Variants in PTPRT observed in about 807,000 individuals in gnomAD.
The protein encoded by PTPRT is protein tyrosine phosphatase receptor type T, also known as receptor-type tyrosine-protein phosphatase T.
In PTPRT, 56 loss-of-function variants were observed where a neutral mutation model predicts 176.8. The ratio of observed to expected loss-of-function variants is 0.32; its 90% CI spans 0.26 to 0.40. The LOEUF is 0.40. Ranked by LOEUF, PTPRT falls within the 10% of genes least tolerant of loss-of-function variation. The pLI is 1.00. For missense variants in PTPRT, 1,540 were observed against 1,908.2 expected, an observed-to-expected ratio of 0.81 and a Z score of 3.60; for synonymous variants, 783 against 739.0, an observed-to-expected ratio of 1.06 and a Z score of -0.96.
chr20:42,483,894 G>A (rs895954328), intron 7 of PTPRT, among the ~76,000 whole-genome samples: 2 of 152,250 alleles, frequency 1.3e-5, no homozygotes, highest in African/African-American at 4.8e-5. Flanking sequence ...CATAGGGGGC[G>A]ATAGAGGGAG....
intron 1 of PTPRT, among the ~76,000 whole-genome samples, chr20:43,120,818 T>C (rs910409806): frequency 3.9e-5 from 6 of 152,226 alleles, no homozygotes; most frequent in African/African-American, 1.4e-4. Context: ...ATGTTTTGCA[T>C]AGGTATTTTA....
At chr20:42,501,238 T>C (rs2071746247) in intron 7 of PTPRT, among the ~76,000 whole-genome samples, 1 of 152,182 alleles carries the variant, frequency 6.6e-6, no homozygotes, top group South Asian at 2.1e-4. Flanking sequence ...TTGTTCAACC[T>C]TAGGTTTGGG....
At chr20:43,050,467 C>T (rs1179099979) in intron 1 of PTPRT, among the ~76,000 whole-genome samples, 1 of 152,194 alleles carries the variant, frequency 6.6e-6, no homozygotes, top group Admixed American at 6.5e-5. Context: ...AGGCCATCTA[C>T]CACCAGCTCT....
rs937438603 is a variant in PTPRT at position 43,188,202 on chromosome 20, C to A, written c.88+1444G>T. On this transcript the variant is annotated intron_variant, in intron 1 of 30. Coordinates refer to ENST00000373187, the MANE Select transcript of PTPRT (RefSeq NM_007050.6). ...TCCCTCCCCTAGCACACCTAACACA[C>A]CCCCCAAAATGAGGAAAACAAGAAT... is the stretch of plus-strand genomic sequence containing the variant. Among the ~76,000 whole-genome samples the A allele has an allele frequency of 5.3e-5, 8 of 152,218 alleles. No individual in the cohort carries two copies. The East Asian group carries it at 7.7e-4, about 15-fold the overall frequency.
chr20:42,837,294 C>A (rs1054427703), intron 2 of PTPRT, among the ~76,000 whole-genome samples: 6 of 152,206 alleles, frequency 3.9e-5, no homozygotes. Context: ...AACCCACAAC[C>A]CCTGACACTC....
chr20:42,910,186 G>A (rs1203735620), intron 1 of PTPRT, among the ~76,000 whole-genome samples: 1 of 152,054 alleles, frequency 6.6e-6, no homozygotes, highest in Non-Finnish European at 1.5e-5. Flanking sequence ...TGCACGCTTG[G>A]GAGTTCAAAA....
chr20:42,916,427 A>G (rs376489838), intron 1 of PTPRT, among the ~76,000 whole-genome samples: 1 of 152,114 alleles, frequency 6.6e-6, no homozygotes, highest in Non-Finnish European at 1.5e-5. Context: ...ATAAACATAC[A>G]TGTGCATGTG....
At chr20:43,005,325 T>C (rs1485545632) in intron 1 of PTPRT, among the ~76,000 whole-genome samples, 2 of 152,176 alleles carry the variant, frequency 1.3e-5, no homozygotes, top group African/African-American at 4.8e-5. Context: ...CTCCCGGTGC[T>C]CTGGCCACAT....
intron 20 of PTPRT, 130 bp downstream of exon 20, chr20:42,119,805 C>G (rs773834600): frequency 2.6e-6 from 2 of 768,078 alleles, no homozygotes; most frequent in Non-Finnish European, 4.1e-6. Context: ...TCCTCCAGGG[C>G]TGTTTAGTGA....
rs143435604 is a variant in PTPRT at position 43,020,092 on chromosome 20, A to ATG, written c.89-134162_89-134161dup. On this transcript the variant is annotated intron_variant, in intron 1 of 30. Transcript: ENST00000373187. ...TCTTTCTATATATATGTGAGTGTGT[A>ATG]TGTGTGTGTGTGTGTGTGTATATAT... 1.4e-3 allele frequency among the ~76,000 whole-genome samples: 205 copies of ATG among 141,472 alleles called. 1 individual carries two copies. The highest frequency in any genetic ancestry group is 4.1e-3 in the African/African-American group (155 of 37,588). 92.8% of individuals were successfully genotyped at this position (141,472 alleles called of 152,430 possible). A position where few individuals can be genotyped will look rare whatever the true frequency, so the allele number is the denominator to read the frequency against.
chr20:42,300,780 T>TTA (rs998904296), intron 12 of PTPRT, among the ~76,000 whole-genome samples: 7 of 143,270 alleles, frequency 4.9e-5, no homozygotes, highest in African/African-American at 1.6e-4. Context: ...ATTATTATTA[T>TTA]TTATTATTAT....
At position 43,189,629 on chromosome 20, in the gene PTPRT, C is replaced by T. The variant is rs1193401613; in HGVS notation, c.88+17G>A. On this transcript the variant is annotated intron_variant, in intron 1 of 30. Transcript: ENST00000373187. The surrounding 1 kb of genome is among the most constrained non-coding windows in gnomAD (Gnocchi z 5.0). ...GAGGGAGCGGGGAGCCCAGGGGAGC[C>T]GGGCGGGCGCACTCACCTGCGGCGC... The T allele has an allele frequency of 9.6e-6, 12 of 1,244,426 alleles. No individual in the cohort carries two copies. Among genetic ancestry groups the T allele is most frequent in the Non-Finnish European group, 1.2e-5 (12 of 993,934 alleles). 77.1% of individuals were successfully genotyped at this position (1,244,426 alleles called of 1,614,324 possible).
At chr20:42,131,877 G>C (rs1448069017) in intron 18 of PTPRT, among the ~76,000 whole-genome samples, 2 of 152,214 alleles carry the variant, frequency 1.3e-5, no homozygotes, top group African/African-American at 4.8e-5. Context: ...CTTTCCATCA[G>C]AGGGAATGGC....
the PTPRT span, among the ~76,000 whole-genome samples, chr20:42,050,101 C>T: frequency 6.6e-6 from 1 of 152,216 alleles, no homozygotes; most frequent in Non-Finnish European, 1.5e-5. Context: ...GGATATTTGG[C>T]TTCTTCTCAC....
intron 1 of PTPRT, among the ~76,000 whole-genome samples, chr20:43,004,635 A>G (rs1410938875): frequency 6.6e-6 from 1 of 152,196 alleles, no homozygotes; most frequent in Admixed American, 6.5e-5. Context: ...TATCCATAGA[A>G]AATAGACAAA....
At chr20:42,750,714 T>C (rs142622323) in intron 6 of PTPRT, among the ~76,000 whole-genome samples, 136 of 152,322 alleles carry the variant, frequency 8.9e-4, no homozygotes, top group African/African-American at 3.2e-3. Flanking sequence ...AGAAACTTTT[T>C]ATGAATTAGA....
chr20:42,667,266 G>C (rs188781050), intron 7 of PTPRT, among the ~76,000 whole-genome samples: 2 of 152,158 alleles, frequency 1.3e-5, no homozygotes, highest in Non-Finnish European at 2.9e-5. Flanking sequence ...CGGGCCATTT[G>C]AGCAAGTGTG....
chr20:42,115,800 A>G (rs1165597898), intron 21 of PTPRT, among the ~76,000 whole-genome samples: 2 of 151,972 alleles, frequency 1.3e-5, no homozygotes, highest in East Asian at 1.9e-4. Flanking sequence ...GGGAAATAGG[A>G]GGTGGAAGCA....
At chr20:43,026,811 GA>G (rs1280355401) in intron 1 of PTPRT, among the ~76,000 whole-genome samples, 5 of 152,134 alleles carry the variant, frequency 3.3e-5, no homozygotes, top group African/African-American at 1.2e-4. Context: ...AAAAATAAGT[GA>G]GAGCATGTGA....
Sources: allele counts gnomAD v4.1 joint callset (sites outside exome capture counted in the v4.1 genomes callset), GRCh38; gene constraint gnomAD v4.1.1; non-coding constraint Gnocchi (gnomAD v3.1); transcripts MANE v1.5; gene names NCBI Gene and HGNC (gene_info 2026-07-23, HGNC 2026-07-21).